SYTL5: variants seen among roughly 807,000 people sequenced by gnomAD.
The protein encoded by SYTL5 is synaptotagmin-like protein 5.
In SYTL5, 34 loss-of-function variants were observed where a neutral mutation model predicts 55.9. The ratio of observed to expected loss-of-function variants is 0.61; its 90% CI spans 0.46 to 0.81. The LOEUF (loss-of-function observed/expected upper bound fraction) is 0.81, where lower values mean the gene tolerates loss of function less well. Ranked by LOEUF, SYTL5 falls within the 30% of genes least tolerant of loss-of-function variation. The pLI is 0.00. For synonymous variants in SYTL5, 221 were observed against 188.7 expected (o/e 1.17, Z -1.40); for missense variants, 637 against 546.7 (o/e 1.17, Z -1.65).
the SYTL5 span, among the ~76,000 whole-genome samples, chrX:37,986,742 T>C: frequency 1.8e-5 from 2 of 111,936 alleles, no homozygotes; most frequent in African/African-American, 6.5e-5. Flanking sequence ...TATAGTACAC[T>C]TGTGCTGAAG....
At chrX:38,067,710 G>C (rs1389648986) in intron 3 of SYTL5, among the ~76,000 whole-genome samples, 2 of 111,375 alleles carry the variant, frequency 1.8e-5, no homozygotes, top group East Asian at 2.8e-4. Flanking sequence ...TTTAATAAAT[G>C]GTGCTGGAAT....
At chrX:38,088,590 A>T (rs1249846523) in intron 6 of SYTL5, among the ~76,000 whole-genome samples, 2 of 112,447 alleles carry the variant, frequency 1.8e-5, no homozygotes, top group Non-Finnish European at 3.8e-5. Flanking sequence ...CCACTTTTTC[A>T]TTTATTGTTA....
rs1005700620 is a variant in SYTL5 at position 38,128,498 on chromosome X, G to A, written c.*1768G>A. The A allele has an allele frequency of 3.6e-5, 4 of 111,332 alleles. No homozygotes were observed. Among genetic ancestry groups the A allele is most frequent in the Non-Finnish European group, 7.5e-5 (4 of 53,076 alleles). The allele number at this position is 111,332 out of a possible 1,213,427, so 9.2% of individuals were successfully genotyped here. A position where few individuals can be genotyped will look rare whatever the true frequency, so the allele number is the denominator to read the frequency against. ...TTAGAAACTAGGTTTTAGTAGTAAC[G>A]GAGCTAGAATCATCTTCGGGCTTAT... On this transcript the variant is annotated 3_prime_UTR_variant, in exon 17 of 17. Transcript: ENST00000297875.
chrX:38,097,542 A>G (rs1190050430), intron 9 of SYTL5, among the ~76,000 whole-genome samples: 2 of 111,000 alleles, frequency 1.8e-5, no homozygotes, highest in Non-Finnish European at 3.8e-5. Flanking sequence ...TAACAAAAAT[A>G]TTTCTGAATT....
intron 4 of SYTL5, among the ~76,000 whole-genome samples, chrX:38,072,757 C>T (rs1179188662): frequency 8.9e-6 from 1 of 111,796 alleles, no homozygotes; most frequent in Non-Finnish European, 1.9e-5. Context: ...AATACTGGCA[C>T]CAAATGAAAA....
At chrX:38,109,970 G>A (rs1217776123) in intron 12 of SYTL5, among the ~76,000 whole-genome samples, 1 of 110,875 alleles carries the variant, frequency 9.0e-6, no homozygotes, top group Non-Finnish European at 1.9e-5. Flanking sequence ...ATTAAACCTT[G>A]AGCTTACAAA....
chrX:38,014,630 G>A (rs957213335), intron 1 of SYTL5, among the ~76,000 whole-genome samples: 4 of 111,731 alleles, frequency 3.6e-5, no homozygotes, highest in Non-Finnish European at 7.5e-5. Flanking sequence ...ATCAGTATAG[G>A]TAAGATGAAC....
intron 13 of SYTL5, among the ~76,000 whole-genome samples, chrX:38,111,067 G>A (rs902314121): frequency 2.1e-4 from 23 of 111,904 alleles, no homozygotes; most frequent in South Asian, 3.8e-4. Context: ...CAGTACCTTG[G>A]ATTCACTTTA....
At chrX:37,938,228 T>C in the SYTL5 span, among the ~76,000 whole-genome samples, 3 of 112,052 alleles carry the variant, frequency 2.7e-5, no homozygotes, top group Non-Finnish European at 3.8e-5. Context: ...TCCTTTATTG[T>C]CCAATCTTCC....
rs114993821 is a variant in SYTL5 at position 38,021,814 on chromosome X, C to T, written c.-356-11720C>T. Among the ~76,000 whole-genome samples the T allele has an allele frequency of 5.4e-3, 606 of 111,888 alleles. 1 individual carries two copies. The highest frequency in any genetic ancestry group is 0.019 in the African/African-American group (572 of 30,814). On this transcript the variant is annotated intron_variant, in intron 1 of 16. Transcript: ENST00000297875. ...CAATTGGCAGTGTTCAAGATGGTAG[C>T]TCCCTAAACAGCCTGGATTCTTGAG...
the SYTL5 span, among the ~76,000 whole-genome samples, chrX:37,894,614 C>T: frequency 8.1e-5 from 9 of 111,689 alleles, no homozygotes; most frequent in South Asian, 3.4e-3. Context: ...TTTTATGTGT[C>T]TATTTCACTG....
At chrX:37,941,905 GAA>G in the SYTL5 span, among the ~76,000 whole-genome samples, 21 of 108,867 alleles carry the variant, frequency 1.9e-4, no homozygotes, top group African/African-American at 6.7e-4. Flanking sequence ...AACTTGTAGG[GAA>G]AAAAAAACTT....
intron 3 of SYTL5, among the ~76,000 whole-genome samples, chrX:38,061,756 A>T (rs1935949305): frequency 9.0e-6 from 1 of 111,383 alleles, no homozygotes; most frequent in Non-Finnish European, 1.9e-5. Flanking sequence ...TATAAAAAAC[A>T]TGATAAAAGG....
chrX:37,948,488 T>C, the SYTL5 span, among the ~76,000 whole-genome samples: 2 of 110,439 alleles, frequency 1.8e-5, no homozygotes, highest in Non-Finnish European at 3.8e-5. Flanking sequence ...TGCAACTTTA[T>C]TGAAGTATAG....
At chrX:38,028,672 T>C (rs1934857274) in intron 1 of SYTL5, among the ~76,000 whole-genome samples, 1 of 112,177 alleles carries the variant, frequency 8.9e-6, no homozygotes, top group South Asian at 3.7e-4. Flanking sequence ...TGATATTTAT[T>C]AACATTTCAG....
chrX:37,919,117 A>G, the SYTL5 span, among the ~76,000 whole-genome samples: 2 of 111,372 alleles, frequency 1.8e-5, no homozygotes, highest in Non-Finnish European at 3.8e-5. Flanking sequence ...CTGCATAGAG[A>G]TGGTCAAGGT....
the SYTL5 span, among the ~76,000 whole-genome samples, chrX:37,929,157 A>G: frequency 8.9e-5 from 10 of 112,405 alleles, no homozygotes; most frequent in African/African-American, 3.2e-4. Context: ...TCTTTGGAGT[A>G]AGACTGCATC....
At chrX:38,107,837 T>A (rs1190382461) in intron 11 of SYTL5, among the ~76,000 whole-genome samples, 1 of 111,857 alleles carries the variant, frequency 8.9e-6, no homozygotes, top group Non-Finnish European at 1.9e-5. Context: ...ACAGGACCAA[T>A]GTAATTATTT....
At chrX:38,018,976 G>A (rs1201425447) in intron 1 of SYTL5, among the ~76,000 whole-genome samples, 1 of 111,688 alleles carries the variant, frequency 9.0e-6, no homozygotes, top group African/African-American at 3.3e-5. Flanking sequence ...ACTGAGTGCT[G>A]GTCTTTCAAA....
Sources: gnomAD v4.1 joint callset for allele counts (sites outside exome capture counted in the v4.1 genomes callset) on GRCh38, gnomAD v4.1.1 for gene constraint, MANE v1.5 for transcripts, NCBI Gene and HGNC (gene_info 2026-07-23, HGNC 2026-07-21) for gene names.